The following TMEM131 variants were observed in gnomAD, a reference collection of about 807,000 sequenced individuals.
TMEM131 encodes 2610524E03Rik.
A neutral mutation model predicts 211.6 loss-of-function variants in TMEM131; 66 were observed. The ratio of observed to expected loss-of-function variants is 0.31; its 90% CI spans 0.26 to 0.38. TMEM131 has a LOEUF of 0.38. TMEM131 is among the 10% of genes least tolerant of loss of function. The pLI is 1.00. For missense variants in TMEM131, 2,036 were observed against 2,299.3 expected (o/e 0.89, Z 2.34); for synonymous variants, 844 against 841.3 (o/e 1.00, Z -0.06).
chr2:97,868,322 A>C (rs1674353934), intron 4 of TMEM131, among the ~76,000 whole-genome samples: 1 of 152,140 alleles, frequency 6.6e-6, no homozygotes, highest in Admixed American at 6.5e-5. Context: ...CTATCTATAT[A>C]TAAAATATTG....
intron 12 of TMEM131, among the ~76,000 whole-genome samples, chr2:97,818,331 C>A (rs1215983754): frequency 1.3e-5 from 2 of 151,780 alleles, no homozygotes; most frequent in African/African-American, 4.8e-5. Flanking sequence ...AAGGCTAGCC[C>A]AGATTATGGA....
At chr2:97,858,209 C>G (rs1673925305) in intron 5 of TMEM131, among the ~76,000 whole-genome samples, 1 of 152,188 alleles carries the variant, frequency 6.6e-6, no homozygotes, top group Non-Finnish European at 1.5e-5. Flanking sequence ...GTTACTCAAT[C>G]ACATCCCTTC....
chr2:97,842,276 T>C (rs956509409), intron 6 of TMEM131, among the ~76,000 whole-genome samples: 1 of 152,126 alleles, frequency 6.6e-6, no homozygotes, highest in African/African-American at 2.4e-5. Flanking sequence ...CCAGACAACC[T>C]CTCAAATACC....
chr2:97,813,992 C>G lies in TMEM131; in HGVS notation c.1596G>C (p.Arg532=), dbSNP rs776131923. ...TTACATCTAAAAAGCCTGTGTATACCCGCACGGGTAAATGAAATTTAGAAG... is the reference window on the plus strand; with the variant it reads ...TTACATCTAAAAAGCCTGTGTATACGCGCACGGGTAAATGAAATTTAGAAG... ...TNASKFHLPV[R]VYTGFLDYFV... is the part of the protein sequence containing the mutation. Residue 532 remains arginine, a synonymous_variant, in exon 15 of 41, where the codon CGG becomes CGC. Transcript: ENST00000186436. The G allele has an allele frequency of 2.1e-5, 34 of 1,596,212 alleles. 1 individual carries two copies. The South Asian group carries it at 3.8e-4, about 18-fold the overall frequency.
At chr2:97,929,893 T>C (rs2104451684) in intron 1 of TMEM131, among the ~76,000 whole-genome samples, 1 of 151,914 alleles carries the variant, frequency 6.6e-6, no homozygotes. Context: ...AATATCAAGA[T>C]CAGAGCTAAT....
rs970319318 is a variant in TMEM131, at chr2:97,995,529, G to C, written c.134C>G (p.Ala45Gly). The change falls in exon 1 of 41, where the codon GCG (alanine) becomes GGG (glycine). Residue 45 changes from alanine (A) to glycine (G), a missense_variant. By Grantham distance (60) the Ala-to-Gly change is moderately conservative. This residue lies in a region of TMEM131 where 136 missense variants were observed against 115.4 expected (regional missense o/e 1.18). Coordinates refer to ENST00000186436, the MANE Select transcript of TMEM131 (RefSeq NM_015348.2). ...TACGAGGGTCATCACCAGGTGCAGC[G>C]CGCCTAGGAGGCCGGCGGCCGCGCT... ...PRSAAAGLLGALHLVMTLVVA... is the reference protein window; with the variant it reads ...PRSAAAGLLGGLHLVMTLVVA... The C allele has an allele frequency of 1.4e-6, 2 of 1,380,974 alleles. No individual in the cohort carries two copies. The highest frequency in any genetic ancestry group is 3.1e-5 in the Admixed American group (1 of 32,274). 85.5% of individuals were successfully genotyped at this position (1,380,974 alleles called of 1,614,324 possible).
chr2:97,855,935 A>G (rs1673825308), intron 5 of TMEM131, among the ~76,000 whole-genome samples: 1 of 152,202 alleles, frequency 6.6e-6, no homozygotes, highest in South Asian at 2.1e-4. Flanking sequence ...ATATTTATTA[A>G]CACCCTTCAA....
intron 26 of TMEM131, 87 bp downstream of exon 26, chr2:97,797,278 A>T: frequency 1.6e-6 from 2 of 1,258,498 alleles, no homozygotes; most frequent in Non-Finnish European, 2.2e-6. Flanking sequence ...CTATTTCATA[A>T]GTTAGACATG....
At chr2:97,863,118 C>A (rs11680018) in intron 4 of TMEM131, among the ~76,000 whole-genome samples, 47,090 of 151,792 alleles carry the variant, frequency 0.31, 8,594 homozygotes, top group Non-Finnish European at 0.39. Context: ...ACAAAAAAAA[C>A]CCCCACACTT....
chr2:97,766,235 T>C lies in TMEM131; in HGVS notation c.4602A>G (p.Pro1534=). ...TCGGGAGGAATTTTGCTAGGGCAGG[T>C]GGTCTGTTATCCACTAACTTACTTG... ...KGTSKLVDNR[P]PALAKFLPNS... The change falls in exon 35 of 41, where the codon CCA becomes CCG. Residue 1534 remains proline, a synonymous_variant. Transcript: ENST00000186436. 1 of 1,614,072 alleles carries C rather than the reference T, an allele frequency of 6.2e-7. No individual in the cohort carries two copies. The highest frequency in any genetic ancestry group is 2.2e-5 in the East Asian group (1 of 44,888).
At chr2:97,806,851 AC>A (rs1453610780) in intron 19 of TMEM131, among the ~76,000 whole-genome samples, 3 of 152,200 alleles carry the variant, frequency 2.0e-5, no homozygotes, top group Non-Finnish European at 4.4e-5. Flanking sequence ...TGACTGTGAC[AC>A]TGAGGCCAGC....
At position 97,803,062 on chromosome 2, in the gene TMEM131, T is replaced by C. The variant is rs143986532; in HGVS notation, c.2403-272A>G. ...TTAGGAATAATACCAATGGCATTAA[T>C]GTAATCCCGCGTAAGTTTCGAAAAA... On this transcript the variant is annotated intron_variant, in intron 22 of 40. Transcript: ENST00000186436. Among the ~76,000 whole-genome samples the C allele has an allele frequency of 1.4e-3, 220 of 152,314 alleles. 1 individual carries two copies. The highest frequency in any genetic ancestry group is 5.1e-3 in the African/African-American group (211 of 41,574).
At chr2:97,796,189 T>C in intron 28 of TMEM131, 29 bp downstream of exon 28, 2 of 1,339,060 alleles carry the variant, frequency 1.5e-6, no homozygotes, top group Non-Finnish European at 2.0e-6. Context: ...AAGTTAGTGA[T>C]TCATTACACC....
chr2:97,790,892 G>A (rs541936729), intron 31 of TMEM131, among the ~76,000 whole-genome samples: 1 of 152,282 alleles, frequency 6.6e-6, no homozygotes, highest in South Asian at 2.1e-4. Context: ...AATTCCAAGA[G>A]AACTCAATAG....
chr2:97,774,736 C>T (rs1328195393), intron 32 of TMEM131, among the ~76,000 whole-genome samples: 2 of 152,180 alleles, frequency 1.3e-5, no homozygotes, highest in Admixed American at 1.3e-4. Flanking sequence ...GCAGAAAATG[C>T]CTTCCGAACG....
intron 39 of TMEM131, 108 bp from the exon 40 acceptor site, chr2:97,759,161 AC>A: frequency 7.2e-7 from 1 of 1,387,868 alleles, no homozygotes; most frequent in South Asian, 1.3e-5. Context: ...TCCTGGAGCC[AC>A]CACACCCACT....
rs1681607928 is a variant in TMEM131 at position 97,812,709 on chromosome 2, T to C, written c.1658A>G (p.Asp553Gly). The C allele has an allele frequency of 6.3e-7, 1 of 1,595,320 alleles. No homozygotes were observed. Among genetic ancestry groups the C allele is most frequent in the Non-Finnish European group, 8.5e-7 (1 of 1,174,604 alleles). ...LPPKIEERFIDFGVLSATEAS... is the reference protein window; with the variant it reads ...LPPKIEERFIGFGVLSATEAS... ...TTCTGTAGCACTCAGTACTCCAAAA[T>C]CTATGAAACGTTCCTCTATTTTGGG... The change falls in exon 16 of 41, where the codon GAT (aspartate) becomes GGT (glycine). Residue 553 changes from aspartate (D) to glycine (G), a missense_variant. Asp to Gly is a moderately conservative substitution (Grantham distance 94). Transcript: ENST00000186436.
intron 33 of TMEM131, among the ~76,000 whole-genome samples, chr2:97,770,629 T>C (rs974324525): frequency 2.0e-5 from 3 of 152,112 alleles, no homozygotes; most frequent in Non-Finnish European, 4.4e-5. Context: ...ATGGTCAACT[T>C]GTAAAAAAAA....
At chr2:97,818,853 C>A in intron 11 of TMEM131, 132 bp from the exon 12 acceptor site, 2 of 580,542 alleles carry the variant, frequency 3.4e-6, no homozygotes, top group South Asian at 2.6e-5. Flanking sequence ...TTATGTTGTC[C>A]CTTTAAATGG....
Sources: allele counts gnomAD v4.1 joint callset (sites outside exome capture counted in the v4.1 genomes callset), GRCh38; gene constraint gnomAD v4.1.1; regional missense constraint gnomAD v4.1.1; transcripts MANE v1.5; gene names NCBI Gene and HGNC (gene_info 2026-07-23, HGNC 2026-07-21).